GTF2IRD1: variants seen among roughly 807,000 people sequenced by gnomAD.
The protein encoded by GTF2IRD1 is GTF2I repeat domain containing 1, also known as general transcription factor II-I repeat domain-containing protein 1.
GTF2IRD1 carries 26 observed loss-of-function variants against 113.2 expected under a neutral mutation model. That is an observed-to-expected ratio of 0.23 (90% confidence interval 0.17 to 0.32). GTF2IRD1 has a LOEUF of 0.32. GTF2IRD1 is among the 10% of genes least tolerant of loss of function. The probability of loss-of-function intolerance (pLI) is 1.00; values close to 1 mark genes in which losing one functional copy is unlikely to be tolerated. For missense variants in GTF2IRD1, 864 were observed against 1,280.8 expected, an observed-to-expected ratio of 0.67 and a Z score of 4.97; for synonymous variants, 484 against 529.1, an observed-to-expected ratio of 0.91 and a Z score of 1.17.
intron 22 of GTF2IRD1, chr7:74,571,198 G>T (rs1211817245): frequency 1.3e-6 from 1 of 791,310 alleles, no homozygotes; most frequent in South Asian, 5.7e-5. Context: ...GCCTACCTGG[G>T]CCTCAGTTTC....
chr7:74,509,079 C>T (rs2130038598), intron 2 of GTF2IRD1, among the ~76,000 whole-genome samples: 1 of 152,118 alleles, frequency 6.6e-6, no homozygotes, highest in South Asian at 2.1e-4. Flanking sequence ...AAATCTGGCC[C>T]AGCACGGTGG....
chr7:74,574,870 C>T (rs782744570), intron 22 of GTF2IRD1, among the ~76,000 whole-genome samples: 1 of 151,822 alleles, frequency 6.6e-6, no homozygotes, highest in Admixed American at 6.6e-5. Context: ...GGGCGGATCA[C>T]CTAAGGTCAG....
chr7:74,529,458 G>A (rs144146188), intron 8 of GTF2IRD1, among the ~76,000 whole-genome samples: 34 of 152,026 alleles, frequency 2.2e-4, no homozygotes, highest in African/African-American at 8.0e-4. Context: ...GTCTTGCTGT[G>A]TTGTCCAGGC....
chr7:74,578,193 T>G (rs1455848983), intron 22 of GTF2IRD1, among the ~76,000 whole-genome samples: 11 of 152,184 alleles, frequency 7.2e-5, no homozygotes, highest in Non-Finnish European at 1.2e-4. Context: ...TTTACTTTCT[T>G]TTTTTTGAGA....
intron 1 of GTF2IRD1, among the ~76,000 whole-genome samples, chr7:74,497,957 G>A (rs1795823915): frequency 6.6e-6 from 1 of 152,150 alleles, no homozygotes; most frequent in South Asian, 2.1e-4. Flanking sequence ...GCCTGCCTTG[G>A]CCTCCCAAAG....
At chr7:74,483,265 T>C (rs1794844252) in intron 1 of GTF2IRD1, among the ~76,000 whole-genome samples, 1 of 152,122 alleles carries the variant, frequency 6.6e-6, no homozygotes, top group Admixed American at 6.6e-5. Flanking sequence ...TTTAGGCCGG[T>C]CACAGTGGCT....
Position 74,516,120 on chromosome 7 carries a change from C to T in GTF2IRD1, c.421+524C>T, listed in dbSNP as rs1796915700. On this transcript the variant is annotated intron_variant, in intron 4 of 26. Transcript: ENST00000424337. ...TCCAGTTCTCCAGCACTCGCTGGTG[C>T]ATTTCACATGCCCTGGACTTCGCGC... 2.0e-5 allele frequency among the ~76,000 whole-genome samples: 3 copies of T among 152,362 alleles called. No individual in the cohort carries two copies. The South Asian group carries it at 6.2e-4, about 32-fold the overall frequency.
rs781925026 is a variant in GTF2IRD1 at position 74,590,876 on chromosome 7, G to A, written c.2450G>A (p.Arg817Gln). 50 of 1,613,498 alleles carry A rather than the reference G, an allele frequency of 3.1e-5. No individual in the cohort carries two copies. The highest frequency in any genetic ancestry group is 1.1e-4 in the African/African-American group (8 of 74,896). Residue 817 changes from arginine (R) to glutamine (Q), a missense_variant, in exon 24 of 27, where the codon CGG becomes CAG. By Grantham distance (43) the Arg-to-Gln change is conservative. Transcript: ENST00000424337. ...RPVLVPYKLI[R>Q]DSPDAVEVTG... ...GTGCTGGTCCCTTATAAACTAATCC[G>A]GGACAGCCCAGACGCCGTGGAGGTC...
intron 1 of GTF2IRD1, among the ~76,000 whole-genome samples, chr7:74,455,741 C>T (rs782092762): frequency 6.6e-6 from 1 of 152,168 alleles, no homozygotes; most frequent in Non-Finnish European, 1.5e-5. Flanking sequence ...CCCATCCTGC[C>T]TCTGGGGTGT....
intron 1 of GTF2IRD1, among the ~76,000 whole-genome samples, chr7:74,459,755 C>G (rs1793238311): frequency 1.3e-5 from 2 of 152,262 alleles, no homozygotes; most frequent in Middle Eastern, 3.4e-3. Context: ...TAAAAGTTAC[C>G]TGTTGTTGAT....
chr7:74,454,283 C>T (rs1233322307), intron 1 of GTF2IRD1, 107 bp downstream of exon 1: 12 of 151,836 alleles, frequency 7.9e-5, no homozygotes, highest in African/African-American at 2.4e-5. Flanking sequence ...CCCGCCCCTC[C>T]CCCTCTCAAG....
At chr7:74,461,306 C>G (rs1237639340) in intron 1 of GTF2IRD1, among the ~76,000 whole-genome samples, 2 of 152,158 alleles carry the variant, frequency 1.3e-5, no homozygotes, top group Non-Finnish European at 2.9e-5. Context: ...CTCCTGTTCC[C>G]TGTGACAGAG....
intron 8 of GTF2IRD1, among the ~76,000 whole-genome samples, chr7:74,527,430 C>T (rs1797668487): frequency 3.3e-5 from 5 of 152,188 alleles, no homozygotes; most frequent in African/African-American, 1.2e-4. Flanking sequence ...GTCGAGGCTG[C>T]AGTGAGCAAT....
Position 74,602,412 on chromosome 7 carries a change from C to A in GTF2IRD1, c.2814C>A (p.Leu938=). The change falls in exon 27 of 27, where the codon CTC becomes CTA. Residue 938 remains leucine, a synonymous_variant. Coordinates refer to ENST00000424337, the MANE Select transcript of GTF2IRD1 (RefSeq NM_005685.4). Reference sequence around the variant, plus strand: ...ACTATGCCGGCCTGAACGTGCAGCTCCCGGGACCTCTTAATTACTAGACCT... The same window carrying A: ...ACTATGCCGGCCTGAACGTGCAGCTACCGGGACCTCTTAATTACTAGACCT... ...MVDYAGLNVQ[L]PGPLNY 6.2e-7 allele frequency: 1 copy of A among 1,613,698 alleles called. No individual in the cohort carries two copies. Among genetic ancestry groups the A allele is most frequent in the Non-Finnish European group, 8.5e-7 (1 of 1,179,736 alleles).
chr7:74,546,667 G>A (rs587693387), intron 16 of GTF2IRD1, among the ~76,000 whole-genome samples: 2 of 152,334 alleles, frequency 1.3e-5, no homozygotes, highest in East Asian at 1.9e-4. Context: ...GTTCCAAGGC[G>A]TGGTGTTGTG....
intron 9 of GTF2IRD1, among the ~76,000 whole-genome samples, chr7:74,534,072 G>A (rs1798136557): frequency 1.3e-5 from 2 of 151,720 alleles, no homozygotes; most frequent in South Asian, 2.1e-4. Context: ...GTGCTGCCAC[G>A]ATCGGTTGGC....
chr7:74,531,239 C>T (rs1554348814), intron 9 of GTF2IRD1, among the ~76,000 whole-genome samples: 4 of 151,834 alleles, frequency 2.6e-5, no homozygotes, highest in African/African-American at 2.4e-5. Context: ...GGTGTGGTGG[C>T]GCACGCCTGT....
chr7:74,514,012 A>G (rs1037625672), intron 3 of GTF2IRD1, among the ~76,000 whole-genome samples: 1 of 152,034 alleles, frequency 6.6e-6, no homozygotes, highest in Admixed American at 6.6e-5. Flanking sequence ...CCCCATCTCA[A>G]AAGAACCATG....
At chr7:74,564,130 G>A (rs1453802452) in intron 22 of GTF2IRD1, among the ~76,000 whole-genome samples, 2 of 152,086 alleles carry the variant, frequency 1.3e-5, no homozygotes, top group African/African-American at 2.4e-5. Context: ...GAGTTCAAGC[G>A]ATTCGCCTGC....
Sources: gnomAD v4.1 joint callset for allele counts (sites outside exome capture counted in the v4.1 genomes callset) on GRCh38, gnomAD v4.1.1 for gene constraint, MANE v1.5 for transcripts, NCBI Gene and HGNC (gene_info 2026-07-23, HGNC 2026-07-21) for gene names.